The following LRRFIP1 variants were observed in gnomAD, a reference collection of about 807,000 sequenced individuals.
The protein encoded by LRRFIP1 is LRR binding FLII interacting protein 1.
LRRFIP1 carries 62 observed loss-of-function variants against 104.4 expected under a neutral mutation model. That is an observed-to-expected ratio of 0.59 (90% CI 0.48 to 0.73). The LOEUF is 0.73. LRRFIP1 is among the 30% of genes least tolerant of loss of function. The probability of loss-of-function intolerance (pLI) is 0.00; values close to 1 mark genes in which losing one functional copy is unlikely to be tolerated. For synonymous variants in LRRFIP1, 300 were observed against 299.0 expected (o/e 1.00, Z -0.03); for missense variants, 796 against 824.5 (o/e 0.97, Z 0.42).
chr2:237,662,824 GCAGTCTTCAAT>G (rs1383859848), intron 1 of LRRFIP1, among the ~76,000 whole-genome samples: 2 of 152,130 alleles, frequency 1.3e-5, no homozygotes, highest in Non-Finnish European at 2.9e-5. Flanking sequence ...GGTGGGGAAA[GCAGTCTTCAAT>G]CAGACACGCC....
rs182240553 is a variant in LRRFIP1, at chr2:237,667,781, G to A, written c.96+40041G>A. The stretch of plus-strand genomic sequence containing the variant: ...TGACGTGAAATGGCCTAACCAGGGT[G>A]GAGTGGCAGTTGTGTTCCCGGCACA... On this transcript the variant is annotated intron_variant, in intron 1 of 23. Coordinates refer to ENST00000308482, the MANE Select transcript of LRRFIP1 (RefSeq NM_001137550.2). Among the ~76,000 whole-genome samples, 92 of 152,218 alleles carry A rather than the reference G, an allele frequency of 6.0e-4. 1 individual carries two copies. Among genetic ancestry groups the A allele is most frequent in the Middle Eastern group, 3.4e-3 (1 of 294 alleles).
chr2:237,738,707 A>G (rs1292954535), intron 10 of LRRFIP1, among the ~76,000 whole-genome samples: 3 of 152,256 alleles, frequency 2.0e-5, no homozygotes, highest in African/African-American at 2.4e-5. Context: ...AGATGTGTAC[A>G]TAGCAACCAC....
chr2:237,774,487 G>C (rs746436959), intron 23 of LRRFIP1, 25 bp downstream of exon 23: 1 of 1,449,588 alleles, frequency 6.9e-7, no homozygotes, highest in South Asian at 1.2e-5. Context: ...CAATTTCTAG[G>C]AAGAGAATGG....
rs116312455 is a variant in LRRFIP1, at chr2:237,728,834, G to A, written c.444+899G>A. ...CACCCAGACCTTCTTCCCTCTCCCC[G>A]ACCAAAGCCGTCTTTAGCTTTCTGA... On this transcript the variant is annotated intron_variant, in intron 8 of 23. Coordinates refer to ENST00000308482, the MANE Select transcript of LRRFIP1 (RefSeq NM_001137550.2). 7.7e-3 allele frequency among the ~76,000 whole-genome samples: 1,169 copies of A among 152,002 alleles called. 19 individuals carry two copies. The highest frequency in any genetic ancestry group is 0.027 in the African/African-American group (1,117 of 41,438).
chr2:237,696,804 G>A (rs1234513567), intron 1 of LRRFIP1, among the ~76,000 whole-genome samples: 1 of 152,220 alleles, frequency 6.6e-6, no homozygotes, highest in East Asian at 1.9e-4. Flanking sequence ...TGCCACGGCT[G>A]CTGCTGCTGC....
Position 237,703,836 on chromosome 2 carries a change from C to T in LRRFIP1, c.97-4708C>T, listed in dbSNP as rs2093665180. ...TGGCACGTTCACAGCACAGTGCATT[C>T]CTGTGGCCTCCCCGGGCCACGGTCA... On this transcript the variant is annotated intron_variant, in intron 1 of 23. Transcript: ENST00000308482. The surrounding 1 kb of genome is among the most constrained non-coding windows in gnomAD (Gnocchi z 4.3). 1.3e-5 allele frequency among the ~76,000 whole-genome samples: 2 copies of T among 152,174 alleles called. No homozygotes were observed. The highest frequency in any genetic ancestry group is 1.5e-5 in the Non-Finnish European group (1 of 68,040).
chr2:237,709,339 C>G, intron 2 of LRRFIP1, among the ~76,000 whole-genome samples: 1 of 152,226 alleles, frequency 6.6e-6, no homozygotes, highest in East Asian at 1.9e-4. Context: ...AGTCCATGTT[C>G]TCCCGTGGGC....
chr2:237,732,181 C>T (rs531836365), intron 8 of LRRFIP1, among the ~76,000 whole-genome samples: 2 of 152,316 alleles, frequency 1.3e-5, no homozygotes, highest in Admixed American at 6.5e-5. Flanking sequence ...TTCTGACCCT[C>T]GTTCTCTCCC....
At chr2:237,739,936 C>T (rs1158892923) in intron 11 of LRRFIP1, among the ~76,000 whole-genome samples, 2 of 151,978 alleles carry the variant, frequency 1.3e-5, no homozygotes, top group African/African-American at 2.4e-5. Flanking sequence ...GTTTGCAGGA[C>T]GGTTTTGGAC....
chr2:237,641,571 T>C (rs189525136), intron 1 of LRRFIP1, among the ~76,000 whole-genome samples: 1 of 152,164 alleles, frequency 6.6e-6, no homozygotes, highest in Non-Finnish European at 1.5e-5. Context: ...ATTTCTGTTT[T>C]TGTGATTGGT....
chr2:237,659,908 G>C (rs1191185559), intron 1 of LRRFIP1, among the ~76,000 whole-genome samples: 1 of 152,112 alleles, frequency 6.6e-6, no homozygotes, highest in East Asian at 1.9e-4. Context: ...CAAAGTGTTG[G>C]TATTACAGGC....
chr2:237,739,884 G>A (rs1254473096), intron 11 of LRRFIP1, among the ~76,000 whole-genome samples: 1 of 152,136 alleles, frequency 6.6e-6, no homozygotes, highest in African/African-American at 2.4e-5. Context: ...TTTACCTGAT[G>A]TGATGCTTGA....
chr2:237,767,538 GGTT>G (rs758667037), intron 19 of LRRFIP1, among the ~76,000 whole-genome samples: 2 of 152,160 alleles, frequency 1.3e-5, no homozygotes, highest in African/African-American at 2.4e-5. Flanking sequence ...TTTACTTATA[GGTT>G]GTTATACAAA....
At chr2:237,642,605 G>A (rs1014343814) in intron 1 of LRRFIP1, among the ~76,000 whole-genome samples, 3 of 151,984 alleles carry the variant, frequency 2.0e-5, no homozygotes, top group African/African-American at 7.3e-5. Context: ...TCAGGCTCTG[G>A]GATAAGGCCT....
At chr2:237,693,915 A>T (rs1251737912) in intron 1 of LRRFIP1, among the ~76,000 whole-genome samples, 1 of 152,176 alleles carries the variant, frequency 6.6e-6, no homozygotes, top group Non-Finnish European at 1.5e-5. Flanking sequence ...CTGGGTTCAG[A>T]TGACTTCGAG....
In LRRFIP1 at chr2:237,749,536, C is replaced by A. The variant is rs958217852; in HGVS notation, c.795+212C>A. 3.9e-5 allele frequency among the ~76,000 whole-genome samples: 6 copies of A among 152,172 alleles called. No homozygotes were observed. In the South Asian group the frequency reaches 8.3e-4, roughly 21 times the overall value. On this transcript the variant is annotated intron_variant, in intron 13 of 23. Coordinates refer to ENST00000308482, the MANE Select transcript of LRRFIP1 (RefSeq NM_001137550.2). ...AATCTGATCCTACCCACTGACCCCCCAGCAGGGCGGACCGTGTGCCGGCCC... is the reference window on the plus strand; with the variant it reads ...AATCTGATCCTACCCACTGACCCCCAAGCAGGGCGGACCGTGTGCCGGCCC...
chr2:237,666,866 T>TTTCA (rs796511769), intron 1 of LRRFIP1, among the ~76,000 whole-genome samples: 130 of 150,566 alleles, frequency 8.6e-4, no homozygotes, highest in African/African-American at 3.1e-3. Context: ...TCTTTCTTTC[T>TTTCA]TCTCTTTCTC....
At chr2:237,771,315 A>C (rs1008894721) in intron 20 of LRRFIP1, among the ~76,000 whole-genome samples, 4 of 152,098 alleles carry the variant, frequency 2.6e-5, no homozygotes, top group Non-Finnish European at 4.4e-5. Flanking sequence ...AAAAAAAAAA[A>C]AAAAACCCAT....
chr2:237,771,093 G>C (rs2060577315), intron 20 of LRRFIP1, among the ~76,000 whole-genome samples: 5 of 152,170 alleles, frequency 3.3e-5, no homozygotes. Context: ...TCCTGTGCTT[G>C]GTGTGTGGGG....
Sources: allele counts gnomAD v4.1 joint callset (sites outside exome capture counted in the v4.1 genomes callset), GRCh38; gene constraint gnomAD v4.1.1; non-coding constraint Gnocchi (gnomAD v3.1); transcripts MANE v1.5; gene names NCBI Gene and HGNC (gene_info 2026-07-23, HGNC 2026-07-21).